The following TTLL11 variants were observed in gnomAD, a reference collection of about 807,000 sequenced individuals.
TTLL11 encodes tubulin polyglutamylase TTLL11.
In TTLL11, 42 loss-of-function variants were observed where a neutral mutation model predicts 51.7. That is an observed-to-expected ratio of 0.81 (90% CI 0.64 to 1.05). The LOEUF is 1.05. TTLL11 is among the 50% of genes least tolerant of loss of function. The probability of loss-of-function intolerance (pLI) is 0.00; values close to 1 mark genes in which losing one functional copy is unlikely to be tolerated. For missense variants in TTLL11, 799 were observed against 940.4 expected (o/e 0.85, Z 1.97); for synonymous variants, 381 against 383.5 (o/e 0.99, Z 0.08).
At chr9:121,841,388 G>A (rs1588061972) in intron 8 of TTLL11, among the ~76,000 whole-genome samples, 1 of 152,194 alleles carries the variant, frequency 6.6e-6, no homozygotes, top group South Asian at 2.1e-4. Flanking sequence ...GATTTTGGAA[G>A]GGAGGGGCTT....
intron 8 of TTLL11, among the ~76,000 whole-genome samples, chr9:121,843,844 A>T (rs1256826558): frequency 2.0e-5 from 3 of 151,924 alleles, no homozygotes; most frequent in Non-Finnish European, 2.9e-5. Context: ...GGCTATTTTT[A>T]AAATTTTTTG....
intron 6 of TTLL11, among the ~76,000 whole-genome samples, chr9:121,930,449 C>T (rs1840922206): frequency 6.6e-6 from 1 of 152,216 alleles, no homozygotes; most frequent in Non-Finnish European, 1.5e-5. Context: ...CTCAGTTACA[C>T]AAATAGTGAA....
In TTLL11 at chr9:121,819,879, G is replaced by A. The variant is rs1181572522; in HGVS notation, c.*2708C>T. ...CTTCTTATTAGGAATGGAGGAGGCG[G>A]GGTGATTCAGTTATCACTCATTCTG... On this transcript the variant is annotated 3_prime_UTR_variant, in exon 9 of 9. Coordinates refer to ENST00000321582, the MANE Select transcript of TTLL11 (RefSeq NM_001139442.2). Among the ~76,000 whole-genome samples, 21 of 152,242 alleles carry A rather than the reference G, an allele frequency of 1.4e-4. No homozygotes were observed. The highest frequency in any genetic ancestry group is 1.2e-4 in the African/African-American group (5 of 41,460).
Position 122,041,113 on chromosome 9 carries a change from G to A in TTLL11, c.463-1745C>T, listed in dbSNP as rs140495959. 4.2e-3 allele frequency among the ~76,000 whole-genome samples: 636 copies of A among 152,008 alleles called. 3 individuals are homozygous for A. The highest frequency in any genetic ancestry group is 0.015 in the African/African-American group (604 of 41,458). ...TTACCACCCTCATGAATACCAAATT[G>A]CCCCCCCTTTTAGAGGCACCTTTAG... On this transcript the variant is annotated intron_variant, in intron 1 of 8. Transcript: ENST00000321582.
chr9:121,861,560 A>G (rs1182519811), intron 7 of TTLL11, among the ~76,000 whole-genome samples: 1 of 152,140 alleles, frequency 6.6e-6, no homozygotes, highest in Admixed American at 6.5e-5. Flanking sequence ...TCTAAAAGAG[A>G]ACAAACTCCA....
chr9:122,049,733 T>C (rs1253288985), intron 1 of TTLL11, among the ~76,000 whole-genome samples: 1 of 152,184 alleles, frequency 6.6e-6, no homozygotes, highest in Non-Finnish European at 1.5e-5. Context: ...CCTCTTCTAA[T>C]GGCCCAAAGA....
intron 1 of TTLL11, among the ~76,000 whole-genome samples, chr9:122,079,192 A>G (rs1447985385): frequency 6.6e-6 from 1 of 152,172 alleles, no homozygotes; most frequent in Non-Finnish European, 1.5e-5. Context: ...CAGCCCCACC[A>G]AGAGTGTATG....
In TTLL11 at chr9:121,890,973, C is replaced by A. The variant is rs1839207385; in HGVS notation, c.1482-20225G>T. The stretch of plus-strand genomic sequence containing the variant: ...CCTCCTGCTGTCTGATAGACAAAGA[C>A]CCTAAGCCTTTGCATGAAACTGGCC... On this transcript the variant is annotated intron_variant, in intron 6 of 8. Transcript: ENST00000321582. The surrounding 1 kb of genome is among the most constrained non-coding windows in gnomAD (Gnocchi z 4.3). Among the ~76,000 whole-genome samples, 1 of 152,240 alleles carries A rather than the reference C, an allele frequency of 6.6e-6. No individual in the cohort carries two copies. The highest frequency in any genetic ancestry group is 2.1e-4 in the South Asian group (1 of 4,834).
At position 121,887,561 on chromosome 9, in the gene TTLL11, G is replaced by A. The variant is rs558066522; in HGVS notation, c.1482-16813C>T. Among the ~76,000 whole-genome samples the A allele has an allele frequency of 5.3e-4, 81 of 152,306 alleles. No homozygotes were observed. In the Middle Eastern group the frequency reaches 0.01, roughly 19 times the overall value. ...CCCAGGATCTCAGCTCAGCTCTGCCGGCTTCAACTCAATTCTGGCCTGAAA... is the reference window on the plus strand; with the variant it reads ...CCCAGGATCTCAGCTCAGCTCTGCCAGCTTCAACTCAATTCTGGCCTGAAA... On this transcript the variant is annotated intron_variant, in intron 6 of 8. Coordinates refer to ENST00000321582, the MANE Select transcript of TTLL11 (RefSeq NM_001139442.2).
chr9:121,905,631 G>C (rs2131486890), intron 6 of TTLL11, among the ~76,000 whole-genome samples: 1 of 152,220 alleles, frequency 6.6e-6, no homozygotes, highest in South Asian at 2.1e-4. Context: ...AGGATTACAG[G>C]CATGAGCCAC....
At position 121,871,413 on chromosome 9, in the gene TTLL11, T is replaced by C. The variant is rs934824551; in HGVS notation, c.1482-665A>G. Reference sequence around the variant, plus strand: ...TATTATTCCCCCTGCCCCAAATCTATGTCTCCCATCTCCTTGAACGTCACA... The same window carrying C: ...TATTATTCCCCCTGCCCCAAATCTACGTCTCCCATCTCCTTGAACGTCACA... On this transcript the variant is annotated intron_variant, in intron 6 of 8. Coordinates refer to ENST00000321582, the MANE Select transcript of TTLL11 (RefSeq NM_001139442.2). Among the ~76,000 whole-genome samples the C allele has an allele frequency of 2.0e-5, 3 of 152,100 alleles. No homozygotes were observed. The South Asian group carries it at 6.2e-4, about 32-fold the overall frequency.
In TTLL11 at chr9:121,826,515, G is replaced by GTGTGTA. The variant is rs1424855550; in HGVS notation, c.1841-3637_1841-3636insTACACA. Among the ~76,000 whole-genome samples, 50 of 34,452 alleles carry GTGTGTA rather than the reference G, an allele frequency of 1.5e-3. No homozygotes were observed. The Middle Eastern group carries it at 0.068, about 47-fold the overall frequency. The allele number at this position is 34,452 out of a possible 152,430, so 22.6% of individuals were successfully genotyped here. On this transcript the variant is annotated intron_variant, in intron 8 of 8. Coordinates refer to ENST00000321582, the MANE Select transcript of TTLL11 (RefSeq NM_001139442.2). Reference sequence around the variant, plus strand: ...TATATGTGTGTGTATATATATATATGTATATATATATATGTGTGTGTGTAT... The same window carrying GTGTGTA: ...TATATGTGTGTGTATATATATATATGTGTGTATATATATATATATGTGTGTGTGTAT...
intron 2 of TTLL11, among the ~76,000 whole-genome samples, chr9:122,037,326 G>A (rs1298644015): frequency 6.6e-6 from 1 of 152,102 alleles, no homozygotes; most frequent in East Asian, 1.9e-4. Flanking sequence ...TAAACTGTTG[G>A]GTAAGAACTC....
chr9:121,895,509 GTGTT>G (rs1395220076), intron 6 of TTLL11, among the ~76,000 whole-genome samples: 2 of 151,374 alleles, frequency 1.3e-5, no homozygotes, highest in African/African-American at 4.9e-5. Flanking sequence ...GTGTAGTTTT[GTGTT>G]TGTATGACTG....
chr9:122,064,779 A>G (rs1845531001), intron 1 of TTLL11, among the ~76,000 whole-genome samples: 1 of 152,160 alleles, frequency 6.6e-6, no homozygotes. Flanking sequence ...ACAAAGGAGG[A>G]GGGAAGAGGT....
intron 6 of TTLL11, among the ~76,000 whole-genome samples, chr9:121,873,510 C>T (rs1838437010): frequency 6.6e-6 from 1 of 151,670 alleles, no homozygotes; most frequent in Non-Finnish European, 1.5e-5. Flanking sequence ...CAGGGTTTCA[C>T]CATGTTGGTC....
chr9:121,974,065 A>G lies in TTLL11; in HGVS notation c.1425T>C (p.Ala475=), dbSNP rs1406775839. The G allele has an allele frequency of 6.4e-7, 1 of 1,551,788 alleles. No individual in the cohort carries two copies. The highest frequency in any genetic ancestry group is 1.2e-5 in the South Asian group (1 of 84,062). Residue 475 remains alanine (A), a synonymous_variant, in exon 6 of 9, where the codon GCT becomes GCC. Transcript: ENST00000321582. ...TGAGGCGCAGAGTGTCTCTGATCAC[A>G]GCCACTTTCACTTCTTCATCAACGA... ...PSLVDEEVKV[A]VIRDTLRLMD... is the part of the protein sequence containing the mutation.
chr9:121,965,722 G>A (rs1362823702), intron 6 of TTLL11, among the ~76,000 whole-genome samples: 1 of 152,166 alleles, frequency 6.6e-6, no homozygotes, highest in Admixed American at 6.5e-5. Flanking sequence ...ACGACAGCAT[G>A]CTTAGTTTAG....
intron 1 of TTLL11, among the ~76,000 whole-genome samples, chr9:122,046,041 T>C (rs1185411253): frequency 1.3e-5 from 2 of 152,176 alleles, no homozygotes; most frequent in East Asian, 3.8e-4. Flanking sequence ...ATGGTTAAAA[T>C]GGTAAATTTT....
Sources: gnomAD v4.1 joint callset for allele counts (sites outside exome capture counted in the v4.1 genomes callset) on GRCh38, gnomAD v4.1.1 for gene constraint, Gnocchi (gnomAD v3.1) non-coding constraint, MANE v1.5 for transcripts, NCBI Gene and HGNC (gene_info 2026-07-23, HGNC 2026-07-21) for gene names.